Variants in THSD7A observed in about 807,000 individuals in gnomAD.
THSD7A encodes the protein thrombospondin type-1 domain-containing protein 7A.
THSD7A carries 96 observed loss-of-function variants against 231.3 expected under a neutral mutation model. The observed-to-expected ratio is 0.41, with a 90% CI of 0.35 to 0.49. THSD7A has a LOEUF of 0.49. Among genes scored for constraint, THSD7A ranks in the 20% least tolerant of loss-of-function variants. The pLI is 0.05. For missense variants in THSD7A, 2,290 were observed against 2,070.2 expected (o/e 1.11, Z -2.06); for synonymous variants, 940 against 743.3 (o/e 1.26, Z -4.30).
intron 1 of THSD7A, among the ~76,000 whole-genome samples, chr7:11,795,900 A>T (rs1784109375): frequency 6.6e-6 from 1 of 151,608 alleles, no homozygotes; most frequent in African/African-American, 2.4e-5. Flanking sequence ...ATTATATATA[A>T]AGTCAACAAA....
At chr7:11,676,515 C>A (rs766062466) in intron 1 of THSD7A, among the ~76,000 whole-genome samples, 2 of 152,050 alleles carry the variant, frequency 1.3e-5, no homozygotes. Context: ...AGGCTAAGAA[C>A]CTTGATAAAA....
intron 1 of THSD7A, among the ~76,000 whole-genome samples, chr7:11,664,228 T>C (rs1426843836): frequency 6.6e-6 from 1 of 151,770 alleles, no homozygotes; most frequent in African/African-American, 2.4e-5. Context: ...ATAAATAGAG[T>C]TCTTGAAGTA....
intron 2 of THSD7A, among the ~76,000 whole-genome samples, chr7:11,613,732 C>T (rs1781012560): frequency 6.6e-6 from 1 of 152,200 alleles, no homozygotes; most frequent in Non-Finnish European, 1.5e-5. Flanking sequence ...GCGCCACACT[C>T]TGGGTGAACA....
At chr7:11,828,852 G>C (rs533675921) in intron 1 of THSD7A, among the ~76,000 whole-genome samples, 7 of 152,182 alleles carry the variant, frequency 4.6e-5, no homozygotes, top group African/African-American at 1.7e-4. Context: ...GATTTGGGCA[G>C]TTCAACTTAC....
intron 1 of THSD7A, among the ~76,000 whole-genome samples, chr7:11,807,285 T>G (rs1405282731): frequency 6.6e-6 from 1 of 152,092 alleles, no homozygotes; most frequent in Non-Finnish European, 1.5e-5. Flanking sequence ...GTGCAAATGA[T>G]CAAGGTGGAA....
chr7:11,389,421 C>CTTTTTTTTTTTTTT lies in THSD7A; in HGVS notation c.4412-6819_4412-6806dup, dbSNP rs57755425. On this transcript the variant is annotated intron_variant, in intron 23 of 27. Transcript: ENST00000423059. ...TCAGAGACTAGAATTGCAACTCCTG[C>CTTTTTTTTTTTTTT]TTTTTTTTTTTTTTTTTTTTTTTTT... Among the ~76,000 whole-genome samples, 12 of 37,608 alleles carry CTTTTTTTTTTTTTT rather than the reference C, an allele frequency of 3.2e-4. 4 individuals carry two copies. Among genetic ancestry groups the CTTTTTTTTTTTTTT allele is most frequent in the Non-Finnish European group, 1.9e-4 (4 of 20,704 alleles). 24.7% of individuals were successfully genotyped at this position (37,608 alleles called of 152,430 possible). A position where few individuals can be genotyped will look rare whatever the true frequency, so the allele number is the denominator to read the frequency against.
intron 4 of THSD7A, among the ~76,000 whole-genome samples, chr7:11,577,587 G>C (rs1269780162): frequency 6.6e-6 from 1 of 151,306 alleles, no homozygotes; most frequent in Non-Finnish European, 1.5e-5. Context: ...AAAGGCCTGG[G>C]GTTACAGGTG....
At chr7:11,679,263 G>A (rs1024168647) in intron 1 of THSD7A, among the ~76,000 whole-genome samples, 19 of 152,278 alleles carry the variant, frequency 1.2e-4, no homozygotes, top group Admixed American at 1.2e-3. Flanking sequence ...GCAAAAGCTA[G>A]AAGCATTCCC....
chr7:11,458,482 A>T (rs907502180), intron 11 of THSD7A, among the ~76,000 whole-genome samples: 1 of 151,906 alleles, frequency 6.6e-6, no homozygotes, highest in Non-Finnish European at 1.5e-5. Context: ...ATATTTATGA[A>T]TATATCACTT....
chr7:11,733,401 A>G (rs1417549987), intron 1 of THSD7A, among the ~76,000 whole-genome samples: 1 of 151,928 alleles, frequency 6.6e-6, no homozygotes, highest in Non-Finnish European at 1.5e-5. Context: ...AAAAATCCAG[A>G]AAATATCTAT....
chr7:11,488,360 T>C (rs928757396), intron 6 of THSD7A, among the ~76,000 whole-genome samples: 1 of 152,068 alleles, frequency 6.6e-6, no homozygotes, highest in Non-Finnish European at 1.5e-5. Flanking sequence ...GCATGGACCT[T>C]TCTAGAAAAC....
At position 11,481,921 on chromosome 7, in the gene THSD7A, A is replaced by T; in HGVS notation, c.1884T>A (p.Asp628Glu). 1 of 1,613,774 alleles carries T rather than the reference A, an allele frequency of 6.2e-7. No homozygotes were observed. Among genetic ancestry groups the T allele is most frequent in the Non-Finnish European group, 8.5e-7 (1 of 1,179,714 alleles). The change falls in exon 7 of 28, where the codon GAT becomes GAA. Residue 628 changes from aspartate (D) to glutamate (E), a missense_variant. Coordinates refer to ENST00000423059, the MANE Select transcript of THSD7A (RefSeq NM_015204.3). ...GCACACAGTCTTTCGGGCATGGGGC[A>T]TCACAGGCCACAGGGATGGGGAAGA... ...DAIFPIPVAC[D>E]APCPKDCVLS...
intron 1 of THSD7A, among the ~76,000 whole-genome samples, chr7:11,742,855 T>C (rs1354155361): frequency 1.3e-5 from 2 of 151,930 alleles, no homozygotes; most frequent in Non-Finnish European, 2.9e-5. Context: ...TCATACTTAA[T>C]TAATGGCTGT....
intron 6 of THSD7A, among the ~76,000 whole-genome samples, chr7:11,489,057 C>A (rs1217137177): frequency 6.6e-6 from 1 of 152,094 alleles, no homozygotes; most frequent in Non-Finnish European, 1.5e-5. Flanking sequence ...TTTCTCATTC[C>A]CTGTTCACTC....
chr7:11,663,349 T>C (rs576744827), intron 1 of THSD7A, among the ~76,000 whole-genome samples: 4 of 151,652 alleles, frequency 2.6e-5, no homozygotes, highest in African/African-American at 9.6e-5. Flanking sequence ...CCTCCGTCTA[T>C]TCAATCTATA....
chr7:11,541,117 T>C (rs993258904), intron 6 of THSD7A, among the ~76,000 whole-genome samples: 1 of 152,248 alleles, frequency 6.6e-6, no homozygotes, highest in African/African-American at 2.4e-5. Context: ...CCTTTACTTG[T>C]TATTGTTAAA....
chr7:11,787,185 G>A (rs1783818505), intron 1 of THSD7A, among the ~76,000 whole-genome samples: 1 of 152,078 alleles, frequency 6.6e-6, no homozygotes, highest in African/African-American at 2.4e-5. Context: ...AACAAATCAT[G>A]TTGGAACAAC....
intron 6 of THSD7A, among the ~76,000 whole-genome samples, chr7:11,527,812 C>A (rs2128318351): frequency 6.6e-6 from 1 of 152,154 alleles, no homozygotes; most frequent in South Asian, 2.1e-4. Flanking sequence ...GGGATAAAAA[C>A]AATGAAGAGA....
chr7:11,669,104 T>A (rs913439650), intron 1 of THSD7A, among the ~76,000 whole-genome samples: 7 of 152,084 alleles, frequency 4.6e-5, no homozygotes, highest in African/African-American at 1.7e-4. Context: ...ATGTAGAGGG[T>A]CTCTGCTATA....
Sources: gnomAD v4.1 joint callset for allele counts (sites outside exome capture counted in the v4.1 genomes callset) on GRCh38, gnomAD v4.1.1 for gene constraint, MANE v1.5 for transcripts, NCBI Gene and HGNC (gene_info 2026-07-23, HGNC 2026-07-21) for gene names.